RIMS1: variants seen among roughly 807,000 people sequenced by gnomAD.
RIMS1 encodes regulating synaptic membrane exocytosis 1.
A neutral mutation model predicts 214.1 loss-of-function variants in RIMS1; 83 were observed. The ratio of observed to expected loss-of-function variants is 0.39; its 90% CI spans 0.32 to 0.47. The LOEUF is 0.47. Among genes scored for constraint, RIMS1 ranks in the 20% least tolerant of loss-of-function variants. The pLI is 0.99. For missense variants in RIMS1, 2,050 were observed against 2,161.8 expected (o/e 0.95, Z 1.03); for synonymous variants, 793 against 786.8 (o/e 1.01, Z -0.13).
rs1391371610 is a variant in RIMS1 at position 72,307,318 on chromosome 6, AGAC to A, written c.3912_3914del (p.Thr1306del). 1 of 1,606,554 alleles carries A rather than the reference AGAC, an allele frequency of 6.2e-7. No individual in the cohort carries two copies. On this transcript the variant is annotated inframe_deletion, in exon 27 of 34. Coordinates refer to ENST00000521978, the MANE Select transcript of RIMS1 (RefSeq NM_014989.7). ...AAAATGAAAGTGCATCGATTTAAGC[AGAC>A]AACAGGGTCTGGTTCTAGTCAAGAA...
At chr6:72,059,289 C>T (rs965312975) in intron 2 of RIMS1, among the ~76,000 whole-genome samples, 5 of 152,156 alleles carry the variant, frequency 3.3e-5, no homozygotes, top group Admixed American at 2.0e-4. Context: ...TATAGTGCTA[C>T]AATCACAGCT....
intron 4 of RIMS1, among the ~76,000 whole-genome samples, chr6:72,151,102 G>A (rs1236557224): frequency 1.3e-5 from 2 of 152,198 alleles, no homozygotes; most frequent in African/African-American, 4.8e-5. Context: ...GAGTGCAGTG[G>A]CGCAATCTCG....
chr6:72,256,688 C>CTT (rs67347551), intron 16 of RIMS1, among the ~76,000 whole-genome samples: 193 of 148,246 alleles, frequency 1.3e-3, no homozygotes, highest in Middle Eastern at 4.3e-3. Context: ...AATAGTCACC[C>CTT]TTTTTTTTTT....
intron 2 of RIMS1, among the ~76,000 whole-genome samples, chr6:71,969,806 C>T (rs548854638): frequency 5.1e-4 from 78 of 152,154 alleles, no homozygotes; most frequent in Admixed American, 1.4e-3. Context: ...GAGACCCTGT[C>T]TCAAAACAAA....
At chr6:72,177,837 G>A (rs1185072328) in intron 4 of RIMS1, among the ~76,000 whole-genome samples, 3 of 152,150 alleles carry the variant, frequency 2.0e-5, no homozygotes, top group East Asian at 3.9e-4. Context: ...CTGGAGTACT[G>A]CACCTTTTAA....
intron 24 of RIMS1, among the ~76,000 whole-genome samples, chr6:72,289,262 G>C (rs2092934530): frequency 6.6e-6 from 1 of 152,122 alleles, no homozygotes; most frequent in Non-Finnish European, 1.5e-5. Flanking sequence ...AACAAAGATT[G>C]AAGTTTATTG....
At chr6:72,378,295 T>C (rs1193670275) in intron 29 of RIMS1, among the ~76,000 whole-genome samples, 2 of 152,250 alleles carry the variant, frequency 1.3e-5, no homozygotes, top group African/African-American at 4.8e-5. Context: ...CTGCATAGCT[T>C]CTATTCTAAA....
chr6:72,241,071 G>A (rs192262232), intron 9 of RIMS1, among the ~76,000 whole-genome samples: 6 of 152,248 alleles, frequency 3.9e-5, no homozygotes, highest in African/African-American at 1.4e-4. Flanking sequence ...GCAGCATCAT[G>A]TACTTTTTGC....
At chr6:71,894,387 A>G (rs926551295) in intron 1 of RIMS1, among the ~76,000 whole-genome samples, 4 of 152,192 alleles carry the variant, frequency 2.6e-5, no homozygotes, top group African/African-American at 9.6e-5. Flanking sequence ...CAGAGGCTGC[A>G]ATGAGCTGAG....
At chr6:72,181,965 G>A (rs531154489) in intron 5 of RIMS1, among the ~76,000 whole-genome samples, 376 of 152,280 alleles carry the variant, frequency 2.5e-3, no homozygotes, top group Middle Eastern at 0.017. Context: ...TGCAAGGTAA[G>A]TATTTTTCAG....
chr6:72,138,929 T>C (rs2041732664), intron 4 of RIMS1, among the ~76,000 whole-genome samples: 1 of 152,206 alleles, frequency 6.6e-6, no homozygotes, highest in Admixed American at 6.5e-5. Flanking sequence ...GAGTTTACCA[T>C]GAACAATTCT....
At chr6:72,336,352 A>C (rs770304363) in intron 29 of RIMS1, among the ~76,000 whole-genome samples, 3 of 151,854 alleles carry the variant, frequency 2.0e-5, no homozygotes, top group Non-Finnish European at 4.4e-5. Context: ...TATGGTCATC[A>C]AAACACTTAG....
intron 16 of RIMS1, among the ~76,000 whole-genome samples, chr6:72,256,339 A>T (rs543840450): frequency 6.6e-6 from 1 of 152,258 alleles, no homozygotes; most frequent in Non-Finnish European, 1.5e-5. Flanking sequence ...GAACTTTCTA[A>T]GTTACATTAA....
chr6:71,937,008 T>C (rs547548070), intron 1 of RIMS1, among the ~76,000 whole-genome samples: 1 of 152,216 alleles, frequency 6.6e-6, no homozygotes, highest in East Asian at 1.9e-4. Context: ...GAGGCATCAC[T>C]CTCTGGCTTA....
intron 2 of RIMS1, among the ~76,000 whole-genome samples, chr6:72,091,949 T>C (rs1190921030): frequency 6.6e-6 from 1 of 152,240 alleles, no homozygotes; most frequent in African/African-American, 2.4e-5. Flanking sequence ...TAAGACCATT[T>C]AATAAAATAT....
chr6:72,126,108 C>T (rs550300474), intron 4 of RIMS1, among the ~76,000 whole-genome samples: 2 of 152,126 alleles, frequency 1.3e-5, no homozygotes, highest in East Asian at 1.9e-4. Flanking sequence ...TGTTCCTATT[C>T]GGCCATCTTG....
intron 28 of RIMS1, among the ~76,000 whole-genome samples, chr6:72,329,057 T>C (rs530171854): frequency 7.2e-5 from 11 of 151,748 alleles, no homozygotes; most frequent in Admixed American, 7.2e-4. Context: ...AAAACATGCA[T>C]AGAAAACCAG....
At chr6:71,945,936 A>G (rs542685315) in intron 1 of RIMS1, among the ~76,000 whole-genome samples, 71 of 152,150 alleles carry the variant, frequency 4.7e-4, no homozygotes, top group African/African-American at 1.6e-3. Flanking sequence ...TTTTTAGTGG[A>G]GATGGGGTTT....
chr6:71,928,918 T>G (rs1476296071), intron 1 of RIMS1, among the ~76,000 whole-genome samples: 1 of 152,132 alleles, frequency 6.6e-6, no homozygotes, highest in Non-Finnish European at 1.5e-5. Context: ...AAGAAAAAGT[T>G]TAATAAATCT....
Sources: allele counts gnomAD v4.1 joint callset (sites outside exome capture counted in the v4.1 genomes callset), GRCh38; gene constraint gnomAD v4.1.1; transcripts MANE v1.5; gene names NCBI Gene and HGNC (gene_info 2026-07-23, HGNC 2026-07-21).